TBL1XR1: variants seen among roughly 807,000 people sequenced by gnomAD.
TBL1XR1 encodes F-box-like/WD repeat-containing protein TBL1XR1.
TBL1XR1 carries 5 observed loss-of-function variants against 66.9 expected under a neutral mutation model. The ratio of observed to expected loss-of-function variants is 0.07; its 90% CI spans 0.04 to 0.16. The LOEUF is 0.16. Ranked by LOEUF, TBL1XR1 falls within the 10% of genes least tolerant of loss-of-function variation. The probability of loss-of-function intolerance (pLI) is 1.00; values close to 1 mark genes in which losing one functional copy is unlikely to be tolerated. For synonymous variants in TBL1XR1, 210 were observed against 206.0 expected, an observed-to-expected ratio of 1.02 and a Z score of -0.17; for missense variants, 238 against 623.2, an observed-to-expected ratio of 0.38 and a Z score of 6.58.
chr3:177,113,541 G>A (rs1438627615), intron 1 of TBL1XR1, among the ~76,000 whole-genome samples: 1 of 151,942 alleles, frequency 6.6e-6, no homozygotes, highest in Non-Finnish European at 1.5e-5. Context: ...ATTTAAAATC[G>A]GCAAAATGGC....
intron 1 of TBL1XR1, among the ~76,000 whole-genome samples, chr3:177,172,336 G>A (rs1203361435): frequency 7.4e-5 from 11 of 148,914 alleles, no homozygotes; most frequent in Non-Finnish European, 1.6e-4. Context: ...ACTGACATAA[G>A]TCATGGAATG....
intron 1 of TBL1XR1, among the ~76,000 whole-genome samples, chr3:177,133,641 C>A (rs1459968165): frequency 1.3e-5 from 2 of 152,068 alleles, no homozygotes; most frequent in Non-Finnish European, 2.9e-5. Flanking sequence ...GTGGCTCACA[C>A]CTGTAATGCC....
chr3:177,112,159 G>A (rs1198505642), intron 1 of TBL1XR1, among the ~76,000 whole-genome samples: 4 of 126,724 alleles, frequency 3.2e-5, no homozygotes, highest in Non-Finnish European at 6.3e-5. Flanking sequence ...CGAGGCTGAA[G>A]TACAGTGGCA....
Position 177,034,272 on chromosome 3 carries a change from T to C in TBL1XR1, c.1176A>G (p.Lys392=), listed in dbSNP as rs1025399341. Residue 392 remains lysine, a synonymous_variant, in exon 13 of 16, where the codon AAA becomes AAG. Transcript: ENST00000457928. ...GACTCCATTTGATAGTATAAATTTC[T>C]TTATTATGTGCTTGCAAATCATGGA... ...NCVHDLQAHN[K]EIYTIKWSPT... is the part of the protein sequence containing the mutation. 2 of 1,599,724 alleles carry C rather than the reference T, an allele frequency of 1.3e-6. No individual in the cohort carries two copies. Among genetic ancestry groups the C allele is most frequent in the Non-Finnish European group, 1.7e-6 (2 of 1,176,476 alleles).
chr3:177,040,434 T>C (rs1308787901), intron 10 of TBL1XR1, among the ~76,000 whole-genome samples: 1 of 152,202 alleles, frequency 6.6e-6, no homozygotes, highest in Non-Finnish European at 1.5e-5. Flanking sequence ...AACTCCCTCA[T>C]TGTGTATATC....
intron 1 of TBL1XR1, among the ~76,000 whole-genome samples, chr3:177,133,144 G>C (rs1003896132): frequency 6.6e-6 from 1 of 151,988 alleles, no homozygotes; most frequent in Non-Finnish European, 1.5e-5. Flanking sequence ...AAAACTAGCC[G>C]GGCATGGTGG....
At chr3:177,097,773 C>A (rs1723679776) in intron 2 of TBL1XR1, among the ~76,000 whole-genome samples, 1 of 152,102 alleles carries the variant, frequency 6.6e-6, no homozygotes, top group African/African-American at 2.4e-5. Context: ...AATAGAAGAG[C>A]AAAATGCCAC....
intron 1 of TBL1XR1, among the ~76,000 whole-genome samples, chr3:177,142,993 C>T (rs1371615622): frequency 6.6e-6 from 1 of 151,478 alleles, no homozygotes; most frequent in Non-Finnish European, 1.5e-5. Flanking sequence ...TTTAGTGCCA[C>T]GTTTTTGCAT....
At chr3:177,177,550 G>A (rs778765195) in intron 1 of TBL1XR1, among the ~76,000 whole-genome samples, 21 of 152,260 alleles carry the variant, frequency 1.4e-4, no homozygotes, top group South Asian at 1.2e-3. Flanking sequence ...CCATTTACCC[G>A]TTTTTTCTAT....
At chr3:177,131,325 TAAAG>T (rs1185367548) in intron 1 of TBL1XR1, 3 of 985,012 alleles carry the variant, frequency 3.0e-6, no homozygotes, top group South Asian at 4.7e-5. Flanking sequence ...CCAGGAAAAA[TAAAG>T]AAATAGCAAG....
chr3:177,171,820 G>C (rs908672188), intron 1 of TBL1XR1, among the ~76,000 whole-genome samples: 3 of 151,840 alleles, frequency 2.0e-5, no homozygotes, highest in African/African-American at 7.3e-5. Flanking sequence ...AGAGTTTGGA[G>C]CAAATTGTTA....
intron 1 of TBL1XR1, among the ~76,000 whole-genome samples, chr3:177,157,973 C>T (rs1460875026): frequency 6.6e-6 from 1 of 151,956 alleles, no homozygotes; most frequent in Admixed American, 6.6e-5. Flanking sequence ...TAAATACTAT[C>T]CTCGTTAAGT....
At chr3:177,088,722 A>T (rs994906282) in intron 2 of TBL1XR1, among the ~76,000 whole-genome samples, 1 of 147,208 alleles carries the variant, frequency 6.8e-6, no homozygotes, top group Non-Finnish European at 1.5e-5. Context: ...AAAAAAAAAA[A>T]AAGAAAAGAA....
intron 1 of TBL1XR1, among the ~76,000 whole-genome samples, chr3:177,112,074 A>AATATATATATATATATATATATATAT (rs1170375681): frequency 2.7e-4 from 11 of 40,944 alleles, no homozygotes; most frequent in Non-Finnish European, 3.8e-4. Context: ...TATAAAATCA[A>AATATATATATATATATATATATATAT]ATATATATAT....
chr3:177,032,937 A>G, intron 14 of TBL1XR1, 34 bp downstream of exon 14: 5 of 1,463,334 alleles, frequency 3.4e-6, no homozygotes, highest in Non-Finnish European at 4.6e-6. Context: ...CCTAAATTTA[A>G]GAGCACTTGA....
chr3:177,168,007 T>C (rs773966208), intron 1 of TBL1XR1, among the ~76,000 whole-genome samples: 18 of 152,234 alleles, frequency 1.2e-4, no homozygotes, highest in Non-Finnish European at 2.2e-4. Context: ...TTATAACTAC[T>C]ACTCTGGACT....
chr3:177,112,107 A>ATATATATATTTTTTTT lies in TBL1XR1; in HGVS notation c.-121-13567_-121-13566insAAAAAAAATATATATA. Among the ~76,000 whole-genome samples the ATATATATATTTTTTTT allele has an allele frequency of 1.6e-4, 6 of 37,650 alleles. No individual in the cohort carries two copies. In the East Asian group the frequency reaches 5.3e-3, roughly 33 times the overall value. 24.7% of individuals were successfully genotyped at this position (37,650 alleles called of 152,430 possible). On this transcript the variant is annotated intron_variant, in intron 1 of 15. Transcript: ENST00000457928. ...TATATATATATATATATATATATAT[A>ATATATATATTTTTTTT]TTTTTTTTTTTTTTTTTTGTGAGGG...
chr3:177,176,201 T>A (rs1415227173), intron 1 of TBL1XR1, among the ~76,000 whole-genome samples: 1 of 145,420 alleles, frequency 6.9e-6, no homozygotes, highest in African/African-American at 2.8e-5. Context: ...AATTTTCTTG[T>A]TTTTTGTTTT....
rs1712573111 is a variant in TBL1XR1, at chr3:177,022,902, C to A, written c.*2596G>T. On this transcript the variant is annotated 3_prime_UTR_variant, in exon 16 of 16. Transcript: ENST00000457928. ...AGAACCCAAGCCTACAAAATGGATA[C>A]CTTTCAGAAAAGTATATACTTAAAA... 1.3e-5 allele frequency: 2 copies of A among 152,148 alleles called. No homozygotes were observed. The highest frequency in any genetic ancestry group is 1.9e-4 in the East Asian group (1 of 5,184). 9.4% of individuals were successfully genotyped at this position (152,148 alleles called of 1,614,324 possible).
Sources: allele counts gnomAD v4.1 joint callset (sites outside exome capture counted in the v4.1 genomes callset), GRCh38; gene constraint gnomAD v4.1.1; transcripts MANE v1.5; gene names NCBI Gene and HGNC (gene_info 2026-07-23, HGNC 2026-07-21).